Variants in CSMD1 observed in about 807,000 individuals in gnomAD.
CSMD1 encodes the protein CUB and Sushi multiple domains 1, also known as CUB and sushi domain-containing protein 1.
In CSMD1, 213 loss-of-function variants were observed where a neutral mutation model predicts 417.5. The ratio of observed to expected loss-of-function variants is 0.51; its 90% confidence interval spans 0.46 to 0.57. The LOEUF is 0.57. Ranked by LOEUF, CSMD1 falls within the 20% of genes least tolerant of loss-of-function variation. The pLI, the probability that CSMD1 is intolerant of heterozygous loss-of-function variation, is 0.00. For missense variants in CSMD1, 6,923 were observed against 4,529.7 expected, an observed-to-expected ratio of 1.53 and a Z score of -15.17; for synonymous variants, 2,862 against 1,736.8, an observed-to-expected ratio of 1.65 and a Z score of -16.11.
chr8:4,914,513 G>GT (rs1363134209), intron 1 of CSMD1, among the ~76,000 whole-genome samples: 1 of 150,894 alleles, frequency 6.6e-6, no homozygotes, highest in Non-Finnish European at 1.5e-5. Context: ...GGGATGCGGA[G>GT]TTTGCAGTGA....
chr8:4,674,380 A>T (rs1805543704), intron 1 of CSMD1, among the ~76,000 whole-genome samples: 1 of 152,140 alleles, frequency 6.6e-6, no homozygotes, highest in Non-Finnish European at 1.5e-5. Flanking sequence ...GATAGGTTGA[A>T]AAAAAGTTCT....
At chr8:3,642,860 T>G (rs948443510) in intron 7 of CSMD1, among the ~76,000 whole-genome samples, 1 of 151,850 alleles carries the variant, frequency 6.6e-6, no homozygotes, top group African/African-American at 2.4e-5. Context: ...TATCTATATA[T>G]AGATTATACA....
chr8:3,003,154 T>C (rs906987191), intron 52 of CSMD1, among the ~76,000 whole-genome samples: 1 of 152,160 alleles, frequency 6.6e-6, no homozygotes, highest in Non-Finnish European at 1.5e-5. Context: ...AACCACACAA[T>C]TTCACTCACA....
chr8:3,430,089 A>G (rs73657901), intron 12 of CSMD1, among the ~76,000 whole-genome samples: 1,707 of 152,344 alleles, frequency 0.011, 33 homozygotes, highest in African/African-American at 0.038. Flanking sequence ...GCATATATAC[A>G]TATATACACA....
chr8:3,892,949 T>C (rs1563184566), intron 5 of CSMD1, among the ~76,000 whole-genome samples: 2 of 139,390 alleles, frequency 1.4e-5, no homozygotes, highest in Admixed American at 8.1e-5. Context: ...GGAAGTTTTC[T>C]CAAGTCTGAC....
chr8:4,887,612 A>G (rs930486852), intron 1 of CSMD1, among the ~76,000 whole-genome samples: 1 of 151,412 alleles, frequency 6.6e-6, no homozygotes, highest in East Asian at 1.9e-4. Context: ...TTTTAATTCT[A>G]TTGGTTTTGC....
intron 3 of CSMD1, among the ~76,000 whole-genome samples, chr8:4,184,317 A>T (rs181826401): frequency 2.0e-5 from 3 of 152,192 alleles, no homozygotes; most frequent in Non-Finnish European, 4.4e-5. Flanking sequence ...GCTAACTCTT[A>T]AACATGAGTT....
Position 3,629,197 on chromosome 8 carries a change from C to G in CSMD1, c.1010-12400G>C, listed in dbSNP as rs73660399. Among the ~76,000 whole-genome samples the G allele has an allele frequency of 8.2e-3, 1,242 of 152,146 alleles. 11 individuals carry two copies. The highest frequency in any genetic ancestry group is 0.024 in the South Asian group (116 of 4,818). On this transcript the variant is annotated intron_variant, in intron 7 of 69. Coordinates refer to ENST00000635120, the MANE Select transcript of CSMD1 (RefSeq NM_033225.6). ...AGGGGAACTTGCTTGTAAAGGGGAA[C>G]AGCTTCAACTGAGAAACAAGAAAAT...
At chr8:4,320,701 G>T (rs1799223024) in intron 3 of CSMD1, among the ~76,000 whole-genome samples, 1 of 152,190 alleles carries the variant, frequency 6.6e-6, no homozygotes, top group African/African-American at 2.4e-5. Flanking sequence ...CCTTTTTTAT[G>T]GCTGCATAGT....
rs998796942 is a variant in CSMD1 at position 2,937,939 on chromosome 8, T to C, written c.*646A>G. The C allele has an allele frequency of 6.6e-6, 1 of 152,606 alleles. No homozygotes were observed. Among genetic ancestry groups the C allele is most frequent in the Non-Finnish European group, 1.5e-5 (1 of 68,054 alleles). 9.5% of individuals were successfully genotyped at this position (152,606 alleles called of 1,614,324 possible). ...ATTCATAACACACTAGTGCAAAAAA[T>C]TGTGCATTAAACATTCTGCGACAGA... On this transcript the variant is annotated 3_prime_UTR_variant, in exon 70 of 70. Coordinates refer to ENST00000635120, the MANE Select transcript of CSMD1 (RefSeq NM_033225.6).
At chr8:4,669,246 T>C (rs1805143354) in intron 1 of CSMD1, among the ~76,000 whole-genome samples, 1 of 152,194 alleles carries the variant, frequency 6.6e-6, no homozygotes, top group Admixed American at 6.5e-5. Context: ...GGGCTAGACA[T>C]ATTTACTACT....
intron 10 of CSMD1, among the ~76,000 whole-genome samples, chr8:3,533,884 A>T (rs989369036): frequency 1.1e-4 from 16 of 152,236 alleles, no homozygotes; most frequent in Non-Finnish European, 1.6e-4. Context: ...GAAATCTTTC[A>T]GATGTATCAG....
At chr8:3,809,161 C>T (rs1177878362) in intron 5 of CSMD1, among the ~76,000 whole-genome samples, 1 of 152,150 alleles carries the variant, frequency 6.6e-6, no homozygotes, top group Non-Finnish European at 1.5e-5. Context: ...CCAGCCCCCA[C>T]AGACCTCATT....
chr8:3,485,827 T>C (rs555892839), intron 11 of CSMD1, among the ~76,000 whole-genome samples: 7 of 109,142 alleles, frequency 6.4e-5, no homozygotes, highest in African/African-American at 2.3e-4. Flanking sequence ...TAAAATAAAA[T>C]AAAATAAAAC....
chr8:3,120,043 G>A (rs974139969), intron 41 of CSMD1, among the ~76,000 whole-genome samples: 6 of 152,182 alleles, frequency 3.9e-5, no homozygotes, highest in Non-Finnish European at 8.8e-5. Context: ...ATATTGGAGT[G>A]AGCCTGTAGT....
chr8:4,166,593 G>A (rs1797470747), intron 3 of CSMD1, among the ~76,000 whole-genome samples: 1 of 152,140 alleles, frequency 6.6e-6, no homozygotes, highest in African/African-American at 2.4e-5. Context: ...AATGGACTTT[G>A]GGGACTCACG....
intron 2 of CSMD1, among the ~76,000 whole-genome samples, chr8:4,443,400 C>T (rs991851894): frequency 9.2e-5 from 14 of 152,142 alleles, no homozygotes; most frequent in African/African-American, 2.2e-4. Flanking sequence ...AAACACAGTT[C>T]CAAGAAAATT....
chr8:3,385,278 T>C (rs1226787733), intron 18 of CSMD1, among the ~76,000 whole-genome samples: 1 of 149,866 alleles, frequency 6.7e-6, no homozygotes, highest in Non-Finnish European at 1.5e-5. Flanking sequence ...TGAATATATA[T>C]GTATGTATGT....
chr8:3,396,691 T>A (rs561239367), intron 16 of CSMD1, among the ~76,000 whole-genome samples: 6 of 152,176 alleles, frequency 3.9e-5, no homozygotes, highest in South Asian at 2.1e-4. Flanking sequence ...GATGATAGAT[T>A]GATAGATAGA....
Sources: allele counts gnomAD v4.1 joint callset (sites outside exome capture counted in the v4.1 genomes callset), GRCh38; gene constraint gnomAD v4.1.1; transcripts MANE v1.5; gene names NCBI Gene and HGNC (gene_info 2026-07-23, HGNC 2026-07-21).